SYNE1: variants seen among roughly 807,000 people sequenced by gnomAD.
SYNE1 encodes nesprin-1.
Under a neutral mutation model 1,111.0 loss-of-function variants are expected in SYNE1, and 616 were observed. That is an observed-to-expected ratio of 0.55 (90% CI 0.52 to 0.59). SYNE1 has a LOEUF of 0.59. Among genes scored for constraint, SYNE1 ranks in the 20% least tolerant of loss-of-function variants. The probability of loss-of-function intolerance (pLI) is 0.00; values close to 1 mark genes in which losing one functional copy is unlikely to be tolerated. For missense variants in SYNE1, 10,006 were observed against 10,417.0 expected, an observed-to-expected ratio of 0.96 and a Z score of 1.72; for synonymous variants, 3,855 against 3,825.8, an observed-to-expected ratio of 1.01 and a Z score of -0.28.
chr6:152,136,958 G>T, intron 140 of SYNE1, 140 bp from the exon 141 acceptor site: 1 of 824,980 alleles, frequency 1.2e-6, no homozygotes. Context: ...CAGAGGGTGC[G>T]TACCACTGAG....
chr6:152,315,197 CTT>C (rs57333075), intron 87 of SYNE1: 6,919 of 110,770 alleles, frequency 0.062, 826 homozygotes, highest in African/African-American at 0.2. Context: ...AGAGTAGTAA[CTT>C]TTTTTTTTTT....
rs1188773980 is a variant in SYNE1, at chr6:152,254,983, T to C, written c.19367A>G (p.Asp6456Gly). 1.9e-6 allele frequency: 3 copies of C among 1,613,902 alleles called. No homozygotes were observed. Among genetic ancestry groups the C allele is most frequent in the Admixed American group, 1.7e-5 (1 of 59,994 alleles). The change falls in exon 104 of 146, where the codon GAT (aspartate) becomes GGT (glycine). Residue 6456 changes from aspartate (D) to glycine (G), a missense_variant. Transcript: ENST00000367255. ...CCTGCCCAAAAGACAACCCAAAGTATCTTCAATAACATCTCGATTATCACC... is the reference window on the plus strand; with the variant it reads ...CCTGCCCAAAAGACAACCCAAAGTACCTTCAATAACATCTCGATTATCACC... ...ENGDNRDVIE[D>G]TLGCLLGRLS...
At chr6:152,216,550 C>T (rs1455022193) in intron 121 of SYNE1, among the ~76,000 whole-genome samples, 2 of 152,102 alleles carry the variant, frequency 1.3e-5, no homozygotes, top group African/African-American at 4.8e-5. Context: ...ATCACGGGCA[C>T]AGTGGCACGG....
At chr6:152,248,781 C>T (rs2088208160) in intron 105 of SYNE1, among the ~76,000 whole-genome samples, 1 of 152,160 alleles carries the variant, frequency 6.6e-6, no homozygotes. Flanking sequence ...TACAAAGCTT[C>T]CCTAATCCTA....
intron 3 of SYNE1, among the ~76,000 whole-genome samples, chr6:152,570,427 G>C (rs1027489883): frequency 6.6e-6 from 1 of 152,158 alleles, no homozygotes; most frequent in Admixed American, 6.5e-5. Context: ...CAGGGAATTA[G>C]CATACCTTTT....
intron 120 of SYNE1, among the ~76,000 whole-genome samples, 154 bp downstream of exon 120, chr6:152,218,849 C>T (rs1280451734): frequency 2.6e-5 from 4 of 152,192 alleles, no homozygotes; most frequent in Non-Finnish European, 4.4e-5. Flanking sequence ...CCACCTTCAT[C>T]GTCCCCACCA....
intron 133 of SYNE1, among the ~76,000 whole-genome samples, chr6:152,153,106 C>T (rs529207378): frequency 2.1e-4 from 32 of 152,302 alleles, no homozygotes; most frequent in African/African-American, 7.7e-4. Context: ...ATTCTGTTTT[C>T]CTTGGCTCAT....
At chr6:152,613,394 T>G (rs2099637473) in intron 3 of SYNE1, among the ~76,000 whole-genome samples, 1 of 152,050 alleles carries the variant, frequency 6.6e-6, no homozygotes, top group African/African-American at 2.4e-5. Flanking sequence ...GAACTCCCAT[T>G]CCCAATTGCT....
At chr6:152,555,737 G>T (rs1244435051) in intron 3 of SYNE1, among the ~76,000 whole-genome samples, 1 of 151,972 alleles carries the variant, frequency 6.6e-6, no homozygotes, top group Admixed American at 6.6e-5. Context: ...TAACATGTTG[G>T]TATTTTTACA....
chr6:152,353,826 G>A (rs968109581), intron 67 of SYNE1, 82 bp from the exon 68 acceptor site: 35 of 1,560,410 alleles, frequency 2.2e-5, no homozygotes, highest in Non-Finnish European at 2.9e-5. Context: ...ATAGGAAATG[G>A]TTTCAGTGTA....
chr6:152,322,941 G>A (rs2095915429), intron 82 of SYNE1, among the ~76,000 whole-genome samples: 1 of 152,128 alleles, frequency 6.6e-6, no homozygotes. Context: ...TCTGCGGCTT[G>A]ACTGTAAACG....
chr6:152,464,956 C>A, intron 18 of SYNE1: 1 of 432,932 alleles, frequency 2.3e-6, no homozygotes, highest in Non-Finnish European at 4.3e-6. Context: ...TTTTCATCCT[C>A]TCTTAAATCA....
At chr6:152,271,278 CTT>C (rs2093184921) in intron 98 of SYNE1, among the ~76,000 whole-genome samples, 1 of 152,116 alleles carries the variant, frequency 6.6e-6, no homozygotes, top group African/African-American at 2.4e-5. Context: ...GTCTAATAGA[CTT>C]TATCTTTATC....
chr6:152,434,790 C>T (rs1194532054), intron 33 of SYNE1: 2 of 151,900 alleles, frequency 1.3e-5, no homozygotes, highest in Non-Finnish European at 2.9e-5. Context: ...AAGAATGTCC[C>T]TGTTTACCAA....
chr6:152,251,506 C>T (rs1056226931), intron 104 of SYNE1, among the ~76,000 whole-genome samples: 11 of 152,078 alleles, frequency 7.2e-5, no homozygotes, highest in African/African-American at 2.4e-4. Context: ...CGCCTGTAAT[C>T]CCAGCACTTT....
At chr6:152,588,626 G>T (rs1404536618) in intron 3 of SYNE1, among the ~76,000 whole-genome samples, 1 of 152,198 alleles carries the variant, frequency 6.6e-6, no homozygotes, top group Non-Finnish European at 1.5e-5. Flanking sequence ...GGGGAGGAGG[G>T]ATGTGTGGGA....
At position 152,151,709 on chromosome 6, in the gene SYNE1, G is replaced by A; in HGVS notation, c.24313-19C>T. On this transcript the variant is annotated intron_variant, in intron 134 of 145. Coordinates refer to ENST00000367255, the MANE Select transcript of SYNE1 (RefSeq NM_182961.4). ...TAAAATGCTGGAAGGCAAGAGGAAA[G>A]TAGTAACAATTATTTTTATTAAAAG... 1 of 1,612,058 alleles carries A rather than the reference G, an allele frequency of 6.2e-7. No individual in the cohort carries two copies. The highest frequency in any genetic ancestry group is 8.5e-7 in the Non-Finnish European group (1 of 1,178,946).
chr6:152,549,542 C>T (rs570444134), intron 3 of SYNE1, among the ~76,000 whole-genome samples: 2 of 152,204 alleles, frequency 1.3e-5, no homozygotes, highest in Non-Finnish European at 2.9e-5. Context: ...GGCCTGTCTC[C>T]TAGGCCTTTC....
rs2059296836 is a variant in SYNE1 at position 152,145,397 on chromosome 6, A to C, written c.24977-1632T>G. 42 of 1,299,974 alleles carry C rather than the reference A, an allele frequency of 3.2e-5. No homozygotes were observed. In the South Asian group the frequency reaches 5.1e-4, roughly 16 times the overall value. 80.5% of individuals were successfully genotyped at this position (1,299,974 alleles called of 1,614,324 possible). On this transcript the variant is annotated intron_variant, in intron 137 of 145. Coordinates refer to ENST00000367255, the MANE Select transcript of SYNE1 (RefSeq NM_182961.4). ...CTGTGCCTTAACATGCTAGAGCCAC[A>C]AAGCTGGGAGAGAGACAGCAGATGT...
Sources: allele counts gnomAD v4.1 joint callset (sites outside exome capture counted in the v4.1 genomes callset), GRCh38; gene constraint gnomAD v4.1.1; transcripts MANE v1.5; gene names NCBI Gene and HGNC (gene_info 2026-07-23, HGNC 2026-07-21).